The following KHDRBS2 variants were observed in gnomAD, a reference collection of about 807,000 sequenced individuals.
The protein encoded by KHDRBS2 is KH RNA binding domain containing, signal transduction associated 2.
KHDRBS2 carries 26 observed loss-of-function variants against 44.3 expected under a neutral mutation model. The observed-to-expected ratio is 0.59, with a 90% CI of 0.43 to 0.81. The LOEUF is 0.81. Ranked by LOEUF, KHDRBS2 falls within the 40% of genes least tolerant of loss-of-function variation. The probability of loss-of-function intolerance (pLI) is 0.00; values close to 1 mark genes in which losing one functional copy is unlikely to be tolerated. For synonymous variants in KHDRBS2, 194 were observed against 151.1 expected (o/e 1.28, Z -2.08); for missense variants, 476 against 433.1 (o/e 1.10, Z -0.88).
chr6:61,881,547 C>T (rs1350686159), intron 6 of KHDRBS2, among the ~76,000 whole-genome samples: 1 of 151,904 alleles, frequency 6.6e-6, no homozygotes, highest in Admixed American at 6.6e-5. Flanking sequence ...TCTCGACAGG[C>T]AGAGTACAGG....
At position 61,955,563 on chromosome 6, in the gene KHDRBS2, T is replaced by C. The variant is rs566827505; in HGVS notation, c.483+22503A>G. Among the ~76,000 whole-genome samples the C allele has an allele frequency of 9.2e-5, 6 of 65,514 alleles. 1 individual carries two copies. The highest frequency in any genetic ancestry group is 2.9e-4 in the African/African-American group (6 of 20,786). The allele number at this position is 65,514 out of a possible 152,430, so 43.0% of individuals were successfully genotyped here. On this transcript the variant is annotated intron_variant, in intron 4 of 8. Coordinates refer to ENST00000281156, the MANE Select transcript of KHDRBS2 (RefSeq NM_152688.4). ...ATATACACATATGTATGTATACATG[T>C]GTATATATACACGTATGTATGTATG... is the stretch of plus-strand genomic sequence containing the variant.
At chr6:61,806,996 C>T (rs1787267966) in intron 6 of KHDRBS2, among the ~76,000 whole-genome samples, 2 of 152,024 alleles carry the variant, frequency 1.3e-5, no homozygotes, top group African/African-American at 4.8e-5. Context: ...ATATCCCCTT[C>T]TTGTGATGAA....
At chr6:61,950,435 CTT>C (rs1181105581) in intron 4 of KHDRBS2, among the ~76,000 whole-genome samples, 1 of 151,982 alleles carries the variant, frequency 6.6e-6, no homozygotes, top group Non-Finnish European at 1.5e-5. Flanking sequence ...TGTTCCAAGA[CTT>C]TTAATTCCAG....
chr6:61,760,239 A>C (rs1412989237), intron 6 of KHDRBS2, among the ~76,000 whole-genome samples: 1 of 152,198 alleles, frequency 6.6e-6, no homozygotes, highest in African/African-American at 2.4e-5. Context: ...CTCATAGAGA[A>C]GGTCTGCAAA....
chr6:62,000,077 T>C (rs1777953172), intron 3 of KHDRBS2, among the ~76,000 whole-genome samples: 1 of 152,138 alleles, frequency 6.6e-6, no homozygotes, highest in Non-Finnish European at 1.5e-5. Context: ...TAGGATGATA[T>C]GGACATCTTT....
chr6:62,108,921 G>T (rs1804280100), intron 2 of KHDRBS2, among the ~76,000 whole-genome samples: 1 of 152,074 alleles, frequency 6.6e-6, no homozygotes, highest in Non-Finnish European at 1.5e-5. Flanking sequence ...ACAGGAAGGG[G>T]TACATCACAC....
chr6:61,826,907 G>C (rs1250819753), intron 6 of KHDRBS2, among the ~76,000 whole-genome samples: 1 of 152,060 alleles, frequency 6.6e-6, no homozygotes, highest in Middle Eastern at 3.2e-3. Context: ...ATCCTAACAC[G>C]ACATAGCTAG....
intron 6 of KHDRBS2, among the ~76,000 whole-genome samples, chr6:61,842,194 C>A (rs1793701633): frequency 6.6e-6 from 1 of 152,152 alleles, no homozygotes; most frequent in Non-Finnish European, 1.5e-5. Context: ...TGTGCTGCCA[C>A]CTATGACAGA....
At chr6:62,201,916 A>G (rs1221579075) in intron 1 of KHDRBS2, among the ~76,000 whole-genome samples, 1 of 152,070 alleles carries the variant, frequency 6.6e-6, no homozygotes, top group African/African-American at 2.4e-5. Context: ...TATGAAATAT[A>G]TCTCCTGGAT....
chr6:62,136,993 C>CTTTTTTTTTTTTTTTT (rs141092447), intron 2 of KHDRBS2, among the ~76,000 whole-genome samples: 5 of 78,310 alleles, frequency 6.4e-5, no homozygotes, highest in African/African-American at 1.0e-4. Flanking sequence ...TCTTTCTTTT[C>CTTTTTTTTTTTTTTTT]TTTTTTTTTT....
intron 3 of KHDRBS2, among the ~76,000 whole-genome samples, chr6:62,021,615 C>T (rs1199461856): frequency 6.6e-6 from 1 of 151,498 alleles, no homozygotes; most frequent in African/African-American, 2.4e-5. Context: ...TAATGAAACC[C>T]AGGGACCAAG....
chr6:61,718,312 C>G (rs1021721661), intron 7 of KHDRBS2, among the ~76,000 whole-genome samples: 1 of 152,026 alleles, frequency 6.6e-6, no homozygotes, highest in African/African-American at 2.4e-5. Flanking sequence ...ACTGTATATT[C>G]TTTCTTTTGC....
At chr6:61,689,795 T>A (rs1194208191) in intron 8 of KHDRBS2, among the ~76,000 whole-genome samples, 2 of 151,968 alleles carry the variant, frequency 1.3e-5, no homozygotes, top group African/African-American at 4.8e-5. Flanking sequence ...AAAGGTTTGA[T>A]AAGGTACCAG....
intron 6 of KHDRBS2, among the ~76,000 whole-genome samples, chr6:61,747,125 T>A (rs186438475): frequency 6.6e-6 from 1 of 151,904 alleles, no homozygotes; most frequent in South Asian, 2.1e-4. Context: ...AACAAACATA[T>A]GAAAAAAAAA....
chr6:62,086,270 A>G (rs975987867), intron 2 of KHDRBS2, among the ~76,000 whole-genome samples: 1 of 152,198 alleles, frequency 6.6e-6, no homozygotes, highest in African/African-American at 2.4e-5. Flanking sequence ...ACTACTGAGT[A>G]CTTCAAAGTG....
At chr6:61,667,551 C>T in the KHDRBS2 span, among the ~76,000 whole-genome samples, 2 of 151,236 alleles carry the variant, frequency 1.3e-5, no homozygotes, top group South Asian at 4.1e-4. Flanking sequence ...AAGCCTTTTC[C>T]TAAGAGGGCT....
intron 1 of KHDRBS2, among the ~76,000 whole-genome samples, chr6:62,199,182 C>T (rs1826350848): frequency 6.6e-6 from 1 of 152,102 alleles, no homozygotes; most frequent in African/African-American, 2.4e-5. Context: ...TGGCACAAGA[C>T]ATGGAGGCCC....
the KHDRBS2 span, among the ~76,000 whole-genome samples, chr6:61,600,201 C>T: frequency 6.6e-6 from 1 of 152,244 alleles, no homozygotes. Context: ...GGCCTCTGAA[C>T]CCAAGCTAAG....
chr6:61,805,493 T>G (rs1364730402), intron 6 of KHDRBS2, among the ~76,000 whole-genome samples: 1 of 152,146 alleles, frequency 6.6e-6, no homozygotes, highest in Admixed American at 6.6e-5. Context: ...CAGATATCTT[T>G]ATAGCAGCAC....
Sources: allele counts gnomAD v4.1 joint callset (sites outside exome capture counted in the v4.1 genomes callset), GRCh38; gene constraint gnomAD v4.1.1; transcripts MANE v1.5; gene names NCBI Gene and HGNC (gene_info 2026-07-23, HGNC 2026-07-21).